Variants in GRXCR2 observed in about 807,000 individuals in gnomAD.
GRXCR2 encodes the protein glutaredoxin and cysteine rich domain containing 2.
In GRXCR2, 23 loss-of-function variants were observed where a neutral mutation model predicts 24.8. The ratio of observed to expected loss-of-function variants is 0.93; its 90% CI spans 0.67 to 1.32. The LOEUF is 1.32. Ranked by LOEUF, GRXCR2 falls within the 40% of genes most tolerant of loss-of-function variation. The pLI, the probability that GRXCR2 is intolerant of heterozygous loss-of-function variation, is 0.00. For synonymous variants in GRXCR2, 130 were observed against 116.1 expected (o/e 1.12, Z -0.77); for missense variants, 315 against 303.4 (o/e 1.04, Z -0.28).
intron 2 of GRXCR2, among the ~76,000 whole-genome samples, chr5:145,922,120 A>G (rs973676830): frequency 6.6e-6 from 1 of 152,206 alleles, no homozygotes; most frequent in Non-Finnish European, 1.5e-5. Flanking sequence ...TGCTTTGCCA[A>G]GCATTTTGTG....
intron 2 of GRXCR2, among the ~76,000 whole-genome samples, chr5:145,913,638 C>A (rs1001057900): frequency 6.6e-6 from 1 of 152,010 alleles, no homozygotes; most frequent in Non-Finnish European, 1.5e-5. Context: ...TACATTGGTC[C>A]AGCCCACAGA....
intron 2 of GRXCR2, among the ~76,000 whole-genome samples, chr5:145,915,226 T>C (rs1757219906): frequency 6.6e-6 from 1 of 152,168 alleles, no homozygotes; most frequent in African/African-American, 2.4e-5. Flanking sequence ...CAGGGGGCCA[T>C]GTCCTATTAG....
chr5:145,923,406 G>T (rs1328570636), intron 2 of GRXCR2, among the ~76,000 whole-genome samples: 5 of 152,162 alleles, frequency 3.3e-5, no homozygotes, highest in Non-Finnish European at 5.9e-5. Flanking sequence ...TTTATTTGTT[G>T]TCTCGAAATG....
At chr5:145,894,524 A>G (rs1329650788) in intron 2 of GRXCR2, among the ~76,000 whole-genome samples, 3 of 152,242 alleles carry the variant, frequency 2.0e-5, no homozygotes, top group Non-Finnish European at 4.4e-5. Flanking sequence ...AATAAACTAG[A>G]AAATCTAGAA....
At chr5:145,915,883 C>A (rs759736854) in intron 2 of GRXCR2, among the ~76,000 whole-genome samples, 90 of 152,266 alleles carry the variant, frequency 5.9e-4, no homozygotes, top group Admixed American at 2.0e-3. Context: ...AATGAGATAA[C>A]CTATTCAGAG....
chr5:145,864,652 T>A (rs899045050), intron 2 of GRXCR2, among the ~76,000 whole-genome samples: 1 of 152,104 alleles, frequency 6.6e-6, no homozygotes, highest in Non-Finnish European at 1.5e-5. Context: ...CCTGCTGCCA[T>A]GTAAGATGTG....
At chr5:145,867,081 A>G (rs382836) in intron 1 of GRXCR2, among the ~76,000 whole-genome samples, 3,214 of 152,256 alleles carry the variant, frequency 0.021, 115 homozygotes, top group African/African-American at 0.074. Flanking sequence ...ACACTTTTTC[A>G]TTTTATATAA....
rs1017515819 is a variant in GRXCR2 at position 145,859,092 on chromosome 5, G to C, written c.*641C>G. On this transcript the variant is annotated 3_prime_UTR_variant, in exon 3 of 3. Coordinates refer to ENST00000377976, the MANE Select transcript of GRXCR2 (RefSeq NM_001080516.2). Reference sequence around the variant, plus strand: ...ACACAAAAATGTCTTATCTCATCTTGACTTAAGAAATAGTATTGCTCACTG... The same window carrying C: ...ACACAAAAATGTCTTATCTCATCTTCACTTAAGAAATAGTATTGCTCACTG... 6.6e-6 allele frequency: 1 copy of C among 152,186 alleles called. No individual in the cohort carries two copies. The highest frequency in any genetic ancestry group is 1.5e-5 in the Non-Finnish European group (1 of 68,100). The allele number at this position is 152,186 out of a possible 1,614,324, so 9.4% of individuals were successfully genotyped here. A position where few individuals can be genotyped will look rare whatever the true frequency, so the allele number is the denominator to read the frequency against.
At chr5:145,922,159 A>G (rs1757330602) in intron 2 of GRXCR2, among the ~76,000 whole-genome samples, 1 of 152,146 alleles carries the variant, frequency 6.6e-6, no homozygotes, top group Non-Finnish European at 1.5e-5. Context: ...CTCCAGCCCC[A>G]AAGCCTGACA....
At chr5:145,883,104 T>A (rs1270285659) in intron 2 of GRXCR2, among the ~76,000 whole-genome samples, 1 of 151,692 alleles carries the variant, frequency 6.6e-6, no homozygotes, top group Non-Finnish European at 1.5e-5. Flanking sequence ...CAAACCAACA[T>A]GGCACATGTA....
Position 145,870,908 on chromosome 5 carries a change from T to C in GRXCR2, c.336+1725A>G, listed in dbSNP as rs917105658. ...TACTGTGTTTTAACCAACTGAGCCA[T>C]GCTGCCATGAAGACTCATTTACCTA... On this transcript the variant is annotated intron_variant, in intron 1 of 2. Transcript: ENST00000377976. Among the ~76,000 whole-genome samples, 6 of 152,196 alleles carry C rather than the reference T, an allele frequency of 3.9e-5. No homozygotes were observed. The East Asian group carries it at 1.2e-3, about 29-fold the overall frequency.
At position 145,872,744 on chromosome 5, in the gene GRXCR2, C is replaced by G; in HGVS notation, c.225G>C (p.Met75Ile). 3.1e-6 allele frequency: 5 copies of G among 1,613,998 alleles called. No individual in the cohort carries two copies. The highest frequency in any genetic ancestry group is 4.2e-6 in the Non-Finnish European group (5 of 1,179,830). Residue 75 changes from methionine (M) to isoleucine (I), a missense_variant, in exon 1 of 3, where the codon ATG becomes ATC. Met to Ile is a conservative substitution (Grantham distance 10). Coordinates refer to ENST00000377976, the MANE Select transcript of GRXCR2 (RefSeq NM_001080516.2). ...YGSGEVPRPQ[M>I]CSPKLTAQRI... ...TCTGAGCAGTCAGCTTAGGGGAGCACATCTGGGGCCTGGGGACTTCCCCAG... is the reference window on the plus strand; with the variant it reads ...TCTGAGCAGTCAGCTTAGGGGAGCAGATCTGGGGCCTGGGGACTTCCCCAG...
At chr5:145,865,631 G>A (rs956422557) in intron 2 of GRXCR2, among the ~76,000 whole-genome samples, 1 of 152,300 alleles carries the variant, frequency 6.6e-6, no homozygotes, top group Admixed American at 6.5e-5. Flanking sequence ...TTCAAATGTT[G>A]CTGACAGTAG....
At chr5:145,886,084 G>A (rs551733960) in intron 2 of GRXCR2, among the ~76,000 whole-genome samples, 191 of 152,132 alleles carry the variant, frequency 1.3e-3, no homozygotes, top group African/African-American at 4.6e-3. Flanking sequence ...TTTAAAATGA[G>A]GCAGAAAATG....
At chr5:145,899,767 T>C (rs1288487425) in intron 2 of GRXCR2, among the ~76,000 whole-genome samples, 1 of 152,090 alleles carries the variant, frequency 6.6e-6, no homozygotes, top group Non-Finnish European at 1.5e-5. Context: ...TAACTCAAGA[T>C]GAAGACTTAA....
At chr5:145,877,606 G>A (rs552743559), upstream of GRXCR2, among the ~76,000 whole-genome samples, 8 of 152,302 alleles carry the variant, frequency 5.3e-5, no homozygotes, top group Non-Finnish European at 8.8e-5. Flanking sequence ...CAAGATGGCC[G>A]AATAGGAACA....
rs398038865 is a variant in GRXCR2, at chr5:145,869,559, C to CTTTT, written c.337-2835_337-2832dup. On this transcript the variant is annotated intron_variant, in intron 1 of 2. Coordinates refer to ENST00000377976, the MANE Select transcript of GRXCR2 (RefSeq NM_001080516.2). ...TAAGAGCTTCTTTCTCTCTCTCTCT[C>CTTTT]TTTTTTTTTTTTTTTTGAGACGGAG... is the stretch of plus-strand genomic sequence containing the variant. 1.5e-3 allele frequency among the ~76,000 whole-genome samples: 206 copies of CTTTT among 137,538 alleles called. 2 individuals carry two copies. Among genetic ancestry groups the CTTTT allele is most frequent in the South Asian group, 4.1e-3 (18 of 4,382 alleles). The allele number at this position is 137,538 out of a possible 152,430, so 90.2% of individuals were successfully genotyped here. A position where few individuals can be genotyped will look rare whatever the true frequency, so the allele number is the denominator to read the frequency against.
intron 2 of GRXCR2, among the ~76,000 whole-genome samples, chr5:145,913,255 T>A (rs1423719377): frequency 2.0e-5 from 3 of 152,146 alleles, no homozygotes; most frequent in Non-Finnish European, 4.4e-5. Flanking sequence ...AGGATCCAAC[T>A]CAGGATAGCA....
At chr5:145,885,846 C>T (rs1486973454) in intron 2 of GRXCR2, among the ~76,000 whole-genome samples, 1 of 152,148 alleles carries the variant, frequency 6.6e-6, no homozygotes, top group Non-Finnish European at 1.5e-5. Flanking sequence ...CATTCATACC[C>T]CTTCATAATG....
Sources: gnomAD v4.1 joint callset for allele counts (sites outside exome capture counted in the v4.1 genomes callset) on GRCh38, gnomAD v4.1.1 for gene constraint, MANE v1.5 for transcripts, NCBI Gene and HGNC (gene_info 2026-07-23, HGNC 2026-07-21) for gene names.